The following LRCH1 variants were observed in gnomAD, a reference collection of about 807,000 sequenced individuals.
LRCH1 encodes leucine-rich repeat and calponin homology domain-containing protein 1.
A neutral mutation model predicts 94.9 loss-of-function variants in LRCH1; 23 were observed. That is an observed-to-expected ratio of 0.24 (90% CI 0.17 to 0.34). The LOEUF (loss-of-function observed/expected upper bound fraction) is 0.34, where lower values mean the gene tolerates loss of function less well. LRCH1 is among the 10% of genes least tolerant of loss of function. The probability of loss-of-function intolerance (pLI) is 1.00; values close to 1 mark genes in which losing one functional copy is unlikely to be tolerated. For synonymous variants in LRCH1, 364 were observed against 354.9 expected, an observed-to-expected ratio of 1.03 and a Z score of -0.29; for missense variants, 790 against 945.9, an observed-to-expected ratio of 0.84 and a Z score of 2.16.
rs2051515488 is a variant in LRCH1 at position 46,666,334 on chromosome 13, A to G, written c.453-2696A>G. Among the ~76,000 whole-genome samples the G allele has an allele frequency of 2.0e-5, 3 of 152,234 alleles. 1 individual carries two copies. The highest frequency in any genetic ancestry group is 6.5e-5 in the Admixed American group (1 of 15,286). On this transcript the variant is annotated intron_variant, in intron 2 of 19. Coordinates refer to ENST00000389797, the MANE Select transcript of LRCH1 (RefSeq NM_001164211.2). ...CCACTCTGGAAGATTTCCAATGAGA[A>G]TAAACCCATGTAATCTCAAATACTC... is the stretch of plus-strand genomic sequence containing the variant.
intron 1 of LRCH1, among the ~76,000 whole-genome samples, chr13:46,646,351 C>G (rs760739830): frequency 8.5e-5 from 13 of 152,102 alleles, no homozygotes; most frequent in Non-Finnish European, 1.3e-4. Flanking sequence ...ATAAGCAATG[C>G]GTTGATATCT....
chr13:46,585,447 G>A (rs1407317811), intron 1 of LRCH1, among the ~76,000 whole-genome samples: 1 of 151,764 alleles, frequency 6.6e-6, no homozygotes, highest in African/African-American at 2.4e-5. Context: ...CATAGTGGTG[G>A]GCGCCTGTAG....
chr13:46,725,927 A>G (rs763460048), intron 17 of LRCH1, among the ~76,000 whole-genome samples: 13 of 152,208 alleles, frequency 8.5e-5, no homozygotes, highest in African/African-American at 2.7e-4. Flanking sequence ...CATGGGTCAT[A>G]TTGATCATTT....
chr13:46,657,494 TCTTTTC>T (rs1566204545), intron 2 of LRCH1, among the ~76,000 whole-genome samples: 11 of 116,022 alleles, frequency 9.5e-5, no homozygotes, highest in African/African-American at 2.5e-4. Flanking sequence ...CTTTTTCTTT[TCTTTTC>T]TTTTTTTTTT....
At chr13:46,617,867 C>G (rs1180890073) in intron 1 of LRCH1, among the ~76,000 whole-genome samples, 2 of 152,076 alleles carry the variant, frequency 1.3e-5, no homozygotes, top group African/African-American at 4.8e-5. Context: ...TGCTTTTGTT[C>G]ATTTGTTTAT....
chr13:46,707,974 C>T (rs1871855203), intron 13 of LRCH1, among the ~76,000 whole-genome samples: 1 of 152,120 alleles, frequency 6.6e-6, no homozygotes, highest in East Asian at 1.9e-4. Context: ...AGTGACTGGC[C>T]AGTTCAGTTA....
rs535895605 is a variant in LRCH1, at chr13:46,592,951, G to A, written c.307+39248G>A. Among the ~76,000 whole-genome samples the A allele has an allele frequency of 8.5e-5, 13 of 152,048 alleles. No homozygotes were observed. In the East Asian group the frequency reaches 2.3e-3, roughly 27 times the overall value. On this transcript the variant is annotated intron_variant, in intron 1 of 19. Transcript: ENST00000389797. ...TCTACCTAAAATTCCCTTACCACCT[G>A]TCCTCCTATGTCCCTTCCCTCTACA...
chr13:46,609,642 G>T (rs772391173), intron 1 of LRCH1, among the ~76,000 whole-genome samples: 1 of 152,214 alleles, frequency 6.6e-6, no homozygotes, highest in Non-Finnish European at 1.5e-5. Flanking sequence ...AACACTCCCT[G>T]AGTGAAGGTG....
At chr13:46,708,489 C>T (rs1385444477) in intron 13 of LRCH1, among the ~76,000 whole-genome samples, 7 of 152,112 alleles carry the variant, frequency 4.6e-5, no homozygotes, top group Non-Finnish European at 8.8e-5. Context: ...CCAAGCTGGT[C>T]TCAAACTTCT....
chr13:46,604,647 G>T (rs905117822), intron 1 of LRCH1, among the ~76,000 whole-genome samples: 2 of 152,126 alleles, frequency 1.3e-5, no homozygotes, highest in Admixed American at 6.5e-5. Flanking sequence ...TGTTCTACAA[G>T]GTTTATCCTT....
At chr13:46,694,623 C>T (rs968755783) in intron 8 of LRCH1, among the ~76,000 whole-genome samples, 1 of 152,068 alleles carries the variant, frequency 6.6e-6, no homozygotes. Flanking sequence ...TTCTCCATTC[C>T]TTAAAAAAGT....
At chr13:46,568,648 G>A (rs1339410825) in intron 1 of LRCH1, among the ~76,000 whole-genome samples, 1 of 152,124 alleles carries the variant, frequency 6.6e-6, no homozygotes, top group Non-Finnish European at 1.5e-5. Flanking sequence ...GAAGGAGTCC[G>A]TACCCTATGT....
rs767611403 is a variant in LRCH1, at chr13:46,742,445, CT to C, written c.*598del. 9.1e-6 allele frequency: 9 copies of C among 986,952 alleles called. No homozygotes were observed. In the African/African-American group the frequency reaches 1.2e-4, roughly 13 times the overall value. The allele number at this position is 986,952 out of a possible 1,614,324, so 61.1% of individuals were successfully genotyped here. On this transcript the variant is annotated 3_prime_UTR_variant, in exon 20 of 20. Coordinates refer to ENST00000389797, the MANE Select transcript of LRCH1 (RefSeq NM_001164211.2). ...TTCGATTGGATTCCTCCCAAATTTC[CT>C]AAAAAGGGAGCCGCGAAGGGCGCTG...
At chr13:46,718,403 C>T (rs1176947685) in intron 16 of LRCH1, among the ~76,000 whole-genome samples, 1 of 152,128 alleles carries the variant, frequency 6.6e-6, no homozygotes, top group East Asian at 1.9e-4. Flanking sequence ...TTTAGTGGCT[C>T]TTAACTCTGG....
At chr13:46,647,137 TGCTAAA>T in intron 1 of LRCH1, among the ~76,000 whole-genome samples, 1 of 149,290 alleles carries the variant, frequency 6.7e-6, no homozygotes, top group East Asian at 1.9e-4. Context: ...AAAGAAACCA[TGCTAAA>T]AGTATGTCAT....
In LRCH1 at chr13:46,597,636, C is replaced by T. The variant is rs189951007; in HGVS notation, c.307+43933C>T. Among the ~76,000 whole-genome samples, 8 of 152,200 alleles carry T rather than the reference C, an allele frequency of 5.3e-5. No individual in the cohort carries two copies. In the East Asian group the frequency reaches 5.8e-4, roughly 11 times the overall value. Reference sequence around the variant, plus strand: ...CCTCCCAAAGTGCTGGGATTACAGGCGTGAACCACCGCGCCTGGCCCTGTC... The same window carrying T: ...CCTCCCAAAGTGCTGGGATTACAGGTGTGAACCACCGCGCCTGGCCCTGTC... On this transcript the variant is annotated intron_variant, in intron 1 of 19. Transcript: ENST00000389797.
chr13:46,660,168 C>G (rs1386683786), intron 2 of LRCH1, among the ~76,000 whole-genome samples: 1 of 151,546 alleles, frequency 6.6e-6, no homozygotes, highest in Non-Finnish European at 1.5e-5. Flanking sequence ...CCCGCCACCA[C>G]GCCCGGCTAA....
intron 1 of LRCH1, among the ~76,000 whole-genome samples, chr13:46,646,829 C>T (rs1171779873): frequency 6.6e-6 from 1 of 152,048 alleles, no homozygotes; most frequent in African/African-American, 2.4e-5. Context: ...TGAAACCATA[C>T]TGACCAGGCA....
Position 46,742,745 on chromosome 13 carries a change from C to G in LRCH1, c.*897C>G. On this transcript the variant is annotated 3_prime_UTR_variant, in exon 20 of 20. Transcript: ENST00000389797. ...GGTCCAGAATGTGACGGATTCGACT[C>G]TATTCATTTTCAAATAAAGCCATGA... 1 of 985,378 alleles carries G rather than the reference C, an allele frequency of 1.0e-6. No individual in the cohort carries two copies. Among genetic ancestry groups the G allele is most frequent in the Non-Finnish European group, 1.2e-6 (1 of 829,902 alleles). The allele number at this position is 985,378 out of a possible 1,614,324, so 61.0% of individuals were successfully genotyped here. A position where few individuals can be genotyped will look rare whatever the true frequency, so the allele number is the denominator to read the frequency against.
Sources: gnomAD v4.1 joint callset for allele counts (sites outside exome capture counted in the v4.1 genomes callset) on GRCh38, gnomAD v4.1.1 for gene constraint, MANE v1.5 for transcripts, NCBI Gene and HGNC (gene_info 2026-07-23, HGNC 2026-07-21) for gene names.